RPS6KA2: variants seen among roughly 807,000 people sequenced by gnomAD.
RPS6KA2 encodes the protein ribosomal protein S6 kinase alpha-2.
Under a neutral mutation model 91.8 loss-of-function variants are expected in RPS6KA2, and 42 were observed. The observed-to-expected ratio is 0.46, with a 90% CI of 0.36 to 0.59. RPS6KA2 has a LOEUF of 0.59. RPS6KA2 is among the 20% of genes least tolerant of loss of function. RPS6KA2 has a pLI of 0.00. For synonymous variants in RPS6KA2, 414 were observed against 393.6 expected, an observed-to-expected ratio of 1.05 and a Z score of -0.61; for missense variants, 798 against 978.5, an observed-to-expected ratio of 0.82 and a Z score of 2.46.
intron 2 of RPS6KA2, among the ~76,000 whole-genome samples, chr6:166,725,428 G>C (rs1308996972): frequency 1.3e-5 from 2 of 152,212 alleles, no homozygotes; most frequent in Non-Finnish European, 1.5e-5. Context: ...TGGTCTACCA[G>C]GTGCCTCTGG....
intron 2 of RPS6KA2, among the ~76,000 whole-genome samples, chr6:166,839,297 A>G (rs375012602): frequency 1.3e-4 from 20 of 152,104 alleles, no homozygotes; most frequent in African/African-American, 4.3e-4. Context: ...TCATGGCTAT[A>G]TATTTTATAC....
chr6:166,536,998 G>A (rs1562564618), intron 2 of RPS6KA2, among the ~76,000 whole-genome samples: 1 of 152,172 alleles, frequency 6.6e-6, no homozygotes, highest in East Asian at 1.9e-4. Context: ...AAATCTGAAC[G>A]AGGGAGCTGG....
At chr6:166,629,329 A>G (rs1013864891), upstream of RPS6KA2, among the ~76,000 whole-genome samples, 3 of 152,272 alleles carry the variant, frequency 2.0e-5, no homozygotes, top group African/African-American at 7.2e-5. Flanking sequence ...TTGTACCAAC[A>G]ATAGTATTTT....
At chr6:166,525,373 G>A (rs956007424) in intron 3 of RPS6KA2, among the ~76,000 whole-genome samples, 4 of 152,150 alleles carry the variant, frequency 2.6e-5, no homozygotes, top group Non-Finnish European at 5.9e-5. Context: ...AGGCAGCACC[G>A]CCGGGTCAGA....
At chr6:166,763,271 A>G (rs1160267508) in intron 2 of RPS6KA2, among the ~76,000 whole-genome samples, 1 of 152,264 alleles carries the variant, frequency 6.6e-6, no homozygotes, top group Non-Finnish European at 1.5e-5. Flanking sequence ...CATTAAGAAA[A>G]TGGAAAAATA....
intron 1 of RPS6KA2, among the ~76,000 whole-genome samples, chr6:166,616,304 C>A (rs1786409314): frequency 6.6e-6 from 1 of 152,170 alleles, no homozygotes; most frequent in Non-Finnish European, 1.5e-5. Flanking sequence ...CCAGAATTCA[C>A]AACATGGGGG....
chr6:166,606,846 A>G (rs920943080), intron 1 of RPS6KA2, among the ~76,000 whole-genome samples: 1 of 152,198 alleles, frequency 6.6e-6, no homozygotes, highest in Admixed American at 6.5e-5. Context: ...CAAGTGGGGA[A>G]AAAATGGATC....
At position 166,702,556 on chromosome 6, in the gene RPS6KA2, T is replaced by C. The variant is rs116319677; in HGVS notation, c.123+155644A>G. The stretch of plus-strand genomic sequence containing the variant: ...CTGGACTAGTCAACTATCCAGCACC[T>C]CCCACTGTAAGTGAGGAGGGATATT... On this transcript the variant is annotated intron_variant, in intron 2 of 21. Transcript: ENST00000503859. 5,785 of 1,444,690 alleles carry C rather than the reference T, an allele frequency of 4.0e-3. 156 individuals carry two copies. In the African/African-American group the frequency reaches 0.064, roughly 16 times the overall value. The allele number at this position is 1,444,690 out of a possible 1,614,324, so 89.5% of individuals were successfully genotyped here.
At chr6:166,695,268 T>G (rs755737256) in intron 2 of RPS6KA2, among the ~76,000 whole-genome samples, 8 of 152,150 alleles carry the variant, frequency 5.3e-5, no homozygotes, top group Non-Finnish European at 1.0e-4. Context: ...AAGAGAAGTG[T>G]GCAGAGCAGC....
At chr6:166,706,145 T>C (rs1332366976) in intron 2 of RPS6KA2, among the ~76,000 whole-genome samples, 2 of 152,244 alleles carry the variant, frequency 1.3e-5, no homozygotes, top group Admixed American at 6.5e-5. Context: ...TTATCGTTTT[T>C]CATTACAGCA....
chr6:166,706,458 T>C (rs1249334434), intron 2 of RPS6KA2, among the ~76,000 whole-genome samples: 1 of 152,188 alleles, frequency 6.6e-6, no homozygotes, highest in East Asian at 1.9e-4. Flanking sequence ...TGTAAAGGCG[T>C]CATACAACCA....
At position 166,508,407 on chromosome 6, in the gene RPS6KA2, G is replaced by A; in HGVS notation, c.380-125C>T. On this transcript the variant is annotated intron_variant, in intron 4 of 20. Coordinates refer to ENST00000265678, the MANE Select transcript of RPS6KA2 (RefSeq NM_021135.6). This position sits in a 1 kb window ranked among gnomAD's most constrained non-coding sequence, Gnocchi z 4.3. ...AGGCTGAGTCACTTGAGAAACGGCA[G>A]GACCCCGGCTGGTGACCAGCTCAGA... is the stretch of plus-strand genomic sequence containing the variant. 1 of 655,642 alleles carries A rather than the reference G, an allele frequency of 1.5e-6. No individual in the cohort carries two copies. Among genetic ancestry groups the A allele is most frequent in the South Asian group, 1.8e-5 (1 of 55,452 alleles). The allele number at this position is 655,642 out of a possible 1,614,324, so 40.6% of individuals were successfully genotyped here.
At position 166,635,147 on chromosome 6, in the gene RPS6KA2, C is replaced by T. The variant is rs933571861; in HGVS notation, c.124-96363G>A. Among the ~76,000 whole-genome samples the T allele has an allele frequency of 6.6e-6, 1 of 152,224 alleles. No individual in the cohort carries two copies. The highest frequency in any genetic ancestry group is 1.5e-5 in the Non-Finnish European group (1 of 68,042). ...TGGTTGTATTCATGTTTGTGACTCA[C>T]TAATTATCAATCACTTCTCTCCCAC... On this transcript the variant is annotated intron_variant, in intron 2 of 21. Transcript: ENST00000503859. The surrounding 1 kb of genome is among the most constrained non-coding windows in gnomAD (Gnocchi z 4.8).
At position 166,500,958 on chromosome 6, in the gene RPS6KA2, A is replaced by G. The variant is rs1782005674; in HGVS notation, c.567-34T>C. On this transcript the variant is annotated intron_variant, in intron 6 of 20. Coordinates refer to ENST00000265678, the MANE Select transcript of RPS6KA2 (RefSeq NM_021135.6). The surrounding 1 kb of genome is among the most constrained non-coding windows in gnomAD (Gnocchi z 4.3). ...AAGGGAGAGAAAACAGATGCTTTAGAAAGAGACCCAGCCTGCCGACGGGCA... is the reference window on the plus strand; with the variant it reads ...AAGGGAGAGAAAACAGATGCTTTAGGAAGAGACCCAGCCTGCCGACGGGCA... 3 of 1,606,322 alleles carry G rather than the reference A, an allele frequency of 1.9e-6. No individual in the cohort carries two copies. Among genetic ancestry groups the G allele is most frequent in the Non-Finnish European group, 2.6e-6 (3 of 1,173,442 alleles).
chr6:166,651,436 G>A (rs1323963324), intron 2 of RPS6KA2, among the ~76,000 whole-genome samples: 1 of 152,218 alleles, frequency 6.6e-6, no homozygotes, highest in Non-Finnish European at 1.5e-5. Flanking sequence ...GGTTTTCTAT[G>A]TATTTCTAAA....
chr6:166,643,579 A>T (rs1787515600), intron 2 of RPS6KA2, among the ~76,000 whole-genome samples: 2 of 152,242 alleles, frequency 1.3e-5, no homozygotes, highest in African/African-American at 4.8e-5. Context: ...AAATGACAAA[A>T]CCAAAAGGAG....
At chr6:166,658,742 C>CT (rs1250984009) in intron 2 of RPS6KA2, among the ~76,000 whole-genome samples, 1 of 152,194 alleles carries the variant, frequency 6.6e-6, no homozygotes, top group Non-Finnish European at 1.5e-5. Context: ...GTTGGCAATT[C>CT]TGACCTTCAT....
intron 1 of RPS6KA2, among the ~76,000 whole-genome samples, chr6:166,624,728 C>T (rs955108205): frequency 3.3e-5 from 5 of 152,262 alleles, no homozygotes; most frequent in African/African-American, 1.2e-4. Flanking sequence ...GGTTTCTTCC[C>T]CTTAGCAATA....
In RPS6KA2 at chr6:166,667,493, A is replaced by C. The variant is rs141943253; in HGVS notation, c.124-128709T>G. 3.3e-5 allele frequency among the ~76,000 whole-genome samples: 5 copies of C among 152,328 alleles called. No individual in the cohort carries two copies. The East Asian group carries it at 9.6e-4, about 29-fold the overall frequency. ...TGTTGATACCTTGTGCCTGCCTTTG[A>C]ATAAAACCTAAATCCTTCTAATGTC... On this transcript the variant is annotated intron_variant, in intron 2 of 21. Transcript: ENST00000503859.
Sources: gnomAD v4.1 joint callset for allele counts (sites outside exome capture counted in the v4.1 genomes callset) on GRCh38, gnomAD v4.1.1 for gene constraint, Gnocchi (gnomAD v3.1) non-coding constraint, MANE v1.5 for transcripts, NCBI Gene and HGNC (gene_info 2026-07-23, HGNC 2026-07-21) for gene names.